The following TMEM132C variants were observed in gnomAD, a reference collection of about 807,000 sequenced individuals.
The protein encoded by TMEM132C is transmembrane protein 132C.
Under a neutral mutation model 61.4 loss-of-function variants are expected in TMEM132C, and 29 were observed. That is an observed-to-expected ratio of 0.47 (90% CI 0.35 to 0.64). The LOEUF (loss-of-function observed/expected upper bound fraction) is 0.64, where lower values mean the gene tolerates loss of function less well. Among genes scored for constraint, TMEM132C ranks in the 30% least tolerant of loss-of-function variants. The pLI is 0.00. For missense variants in TMEM132C, 1,408 were observed against 1,476.9 expected, an observed-to-expected ratio of 0.95 and a Z score of 0.76; for synonymous variants, 656 against 633.1, an observed-to-expected ratio of 1.04 and a Z score of -0.54.
intron 1 of TMEM132C, among the ~76,000 whole-genome samples, chr12:128,321,965 C>A (rs1448628958): frequency 6.6e-6 from 1 of 152,188 alleles, no homozygotes; most frequent in Non-Finnish European, 1.5e-5. Flanking sequence ...TTTGGCCCAC[C>A]TGAAGTGCCA....
At position 128,661,460 on chromosome 12, in the gene TMEM132C, G is replaced by A. The variant is rs192823117; in HGVS notation, c.1306-7957G>A. On this transcript the variant is annotated intron_variant, in intron 4 of 8. Coordinates refer to ENST00000435159, the MANE Select transcript of TMEM132C (RefSeq NM_001136103.3). ...GGCCTCACACGCTGCTGCTCAGAGT[G>A]TATGATGACAACTGCTTGGAAGCAC... 1.7e-3 allele frequency among the ~76,000 whole-genome samples: 256 copies of A among 151,946 alleles called. 2 individuals are homozygous for A. The highest frequency in any genetic ancestry group is 5.2e-3 in the African/African-American group (217 of 41,444).
chr12:128,414,784 A>G lies in TMEM132C; in HGVS notation c.138A>G (p.Pro46=), dbSNP rs577055026. 2.6e-6 allele frequency: 4 copies of G among 1,539,868 alleles called. No homozygotes were observed. The highest frequency in any genetic ancestry group is 2.4e-5 in the South Asian group (2 of 84,026). ...ACATACAGAGATTCTCCTCACTGCC[A>G]CCTTACCTACCTGTGAGCTACCACA... is the stretch of plus-strand genomic sequence containing the variant. The part of the protein sequence containing the change: ...TDNIQRFSSL[P]PYLPVSYHIL... The change falls in exon 2 of 9, where the codon CCA becomes CCG. Residue 46 remains proline (P), a synonymous_variant. Transcript: ENST00000435159.
intron 2 of TMEM132C, among the ~76,000 whole-genome samples, chr12:128,494,932 A>G (rs1871888135): frequency 6.7e-6 from 1 of 149,466 alleles, no homozygotes; most frequent in Non-Finnish European, 1.5e-5. Context: ...TTTAATTGTG[A>G]TGTTTGGGTG....
chr12:128,380,263 A>C (rs1472213245), intron 1 of TMEM132C, among the ~76,000 whole-genome samples: 1 of 152,248 alleles, frequency 6.6e-6, no homozygotes, highest in Admixed American at 6.5e-5. Flanking sequence ...TGAAGGAATG[A>C]ATAGTGTTGG....
intron 2 of TMEM132C, among the ~76,000 whole-genome samples, chr12:128,522,621 C>G (rs539990202): frequency 6.6e-6 from 1 of 152,228 alleles, no homozygotes; most frequent in South Asian, 2.1e-4. Flanking sequence ...GCAGACAGAG[C>G]AATCAAAAGA....
At chr12:128,336,033 TG>T (rs1388816793) in intron 1 of TMEM132C, among the ~76,000 whole-genome samples, 1 of 152,226 alleles carries the variant, frequency 6.6e-6, no homozygotes, top group Non-Finnish European at 1.5e-5. Context: ...TCTGTAGTAT[TG>T]GGGTTTAAGT....
chr12:128,346,662 T>C (rs1593019462), intron 1 of TMEM132C, among the ~76,000 whole-genome samples: 1 of 152,136 alleles, frequency 6.6e-6, no homozygotes. Flanking sequence ...TTTTTGTGAG[T>C]TGTGAATGGG....
chr12:128,336,816 C>A (rs937821420), intron 1 of TMEM132C, among the ~76,000 whole-genome samples: 2 of 152,322 alleles, frequency 1.3e-5, no homozygotes, highest in Middle Eastern at 3.4e-3. Flanking sequence ...TTCTTCCTGT[C>A]TTTTCCAGGA....
At chr12:128,276,640 G>A (rs575900803) in intron 1 of TMEM132C, among the ~76,000 whole-genome samples, 1 of 152,192 alleles carries the variant, frequency 6.6e-6, no homozygotes, top group South Asian at 2.1e-4. Flanking sequence ...CTCTGCAGTT[G>A]ACTTTTTTCA....
At chr12:128,607,461 AG>A (rs1222054893) in intron 3 of TMEM132C, among the ~76,000 whole-genome samples, 1 of 152,088 alleles carries the variant, frequency 6.6e-6, no homozygotes, top group Admixed American at 6.5e-5. Context: ...GGAGAGAGGT[AG>A]GGGAAGTAGG....
intron 3 of TMEM132C, among the ~76,000 whole-genome samples, chr12:128,578,793 T>C (rs1016537130): frequency 6.6e-6 from 1 of 152,170 alleles, no homozygotes; most frequent in Non-Finnish European, 1.5e-5. Context: ...AGATGGGGTT[T>C]CGCCATGTTC....
chr12:128,640,280 G>A (rs530698361), intron 4 of TMEM132C, among the ~76,000 whole-genome samples: 1 of 152,210 alleles, frequency 6.6e-6, no homozygotes, highest in Non-Finnish European at 1.5e-5. Flanking sequence ...CAGTTCAAGA[G>A]TACTGCAGTC....
intron 1 of TMEM132C, among the ~76,000 whole-genome samples, chr12:128,395,713 A>G (rs1027011175): frequency 6.6e-6 from 1 of 152,224 alleles, no homozygotes; most frequent in Non-Finnish European, 1.5e-5. Flanking sequence ...TTGCATGAGT[A>G]TTCAAAGCAC....
chr12:128,440,561 A>C lies in TMEM132C; in HGVS notation c.974+24941A>C, dbSNP rs995273309. On this transcript the variant is annotated intron_variant, in intron 2 of 8. Coordinates refer to ENST00000435159, the MANE Select transcript of TMEM132C (RefSeq NM_001136103.3). ...CACATCTCTGCTGCCCTCCAAAATCATCCCCTCTTGCCAAGGAATACATCT... is the reference window on the plus strand; with the variant it reads ...CACATCTCTGCTGCCCTCCAAAATCCTCCCCTCTTGCCAAGGAATACATCT... 2.0e-5 allele frequency among the ~76,000 whole-genome samples: 3 copies of C among 152,274 alleles called. No homozygotes were observed. In the East Asian group the frequency reaches 5.8e-4, roughly 29 times the overall value.
intron 3 of TMEM132C, among the ~76,000 whole-genome samples, chr12:128,612,515 A>G (rs909245415): frequency 6.6e-6 from 1 of 152,178 alleles, no homozygotes; most frequent in East Asian, 1.9e-4. Context: ...GCTGCCTTCT[A>G]TCTGTGGTTG....
intron 1 of TMEM132C, among the ~76,000 whole-genome samples, chr12:128,308,140 A>G (rs1379983550): frequency 6.6e-6 from 1 of 152,180 alleles, no homozygotes; most frequent in Non-Finnish European, 1.5e-5. Flanking sequence ...CGTCTTTCCT[A>G]AGCATAAAGC....
chr12:128,600,743 T>G (rs1235342766), intron 3 of TMEM132C, among the ~76,000 whole-genome samples: 1 of 152,228 alleles, frequency 6.6e-6, no homozygotes, highest in African/African-American at 2.4e-5. Flanking sequence ...GGGCCCACCA[T>G]GGACCACAAT....
At chr12:128,413,299 A>AC in intron 1 of TMEM132C, among the ~76,000 whole-genome samples, 1 of 16,214 alleles carries the variant, frequency 6.2e-5, no homozygotes, top group African/African-American at 1.4e-4. Flanking sequence ...ACTCTGTCTC[A>AC]AAAAAAAAAA....
chr12:128,705,360 A>G lies in TMEM132C; in HGVS notation c.2392A>G (p.Lys798Glu), dbSNP rs762940375. 3.2e-5 allele frequency: 49 copies of G among 1,551,326 alleles called. No homozygotes were observed. Among genetic ancestry groups the G allele is most frequent in the Non-Finnish European group, 4.2e-5 (48 of 1,146,970 alleles). Residue 798 changes from lysine to glutamate, a missense_variant, in exon 9 of 9, where the codon AAG becomes GAG. Physicochemically the swap from Lys to Glu is moderately conservative, Grantham distance 56. Coordinates refer to ENST00000435159, the MANE Select transcript of TMEM132C (RefSeq NM_001136103.3). The part of the protein sequence containing the change: ...LAVGVGNVRV[K>E]FGQNDADSSP... ...TGTGGGCGTCGGCAACGTCAGGGTC[A>G]AGTTCGGACAGAACGATGCTGACTC...
Sources: gnomAD v4.1 joint callset for allele counts (sites outside exome capture counted in the v4.1 genomes callset) on GRCh38, gnomAD v4.1.1 for gene constraint, MANE v1.5 for transcripts, NCBI Gene and HGNC (gene_info 2026-07-23, HGNC 2026-07-21) for gene names.